MCC: variants seen among roughly 807,000 people sequenced by gnomAD.
MCC encodes colorectal mutant cancer protein.
A neutral mutation model predicts 116.2 loss-of-function variants in MCC; 90 were observed. The observed-to-expected ratio is 0.77, with a 90% CI of 0.65 to 0.92. The LOEUF is 0.92. Ranked by LOEUF, MCC falls within the 40% of genes least tolerant of loss-of-function variation. The pLI, the probability that MCC is intolerant of heterozygous loss-of-function variation, is 0.00. For missense variants in MCC, 1,516 were observed against 1,312.2 expected, an observed-to-expected ratio of 1.16 and a Z score of -2.40; for synonymous variants, 578 against 510.5, an observed-to-expected ratio of 1.13 and a Z score of -1.78.
At chr5:113,442,260 G>A (rs1039074275) in intron 1 of MCC, among the ~76,000 whole-genome samples, 2 of 152,186 alleles carry the variant, frequency 1.3e-5, no homozygotes, top group African/African-American at 4.8e-5. Context: ...CAGTGATGAT[G>A]AGCATTTTTT....
intron 3 of MCC, among the ~76,000 whole-genome samples, chr5:113,192,494 CAT>C (rs1024007075): frequency 2.6e-5 from 4 of 152,202 alleles, no homozygotes; most frequent in African/African-American, 7.2e-5. Flanking sequence ...TTATAATTAG[CAT>C]ATGTCTTCGT....
chr5:113,475,852 C>T (rs1772221970), intron 1 of MCC, among the ~76,000 whole-genome samples: 1 of 152,184 alleles, frequency 6.6e-6, no homozygotes, highest in African/African-American at 2.4e-5. Context: ...GTTAGCTAGG[C>T]CGCATGTATG....
chr5:113,202,270 G>C (rs1301436118), intron 3 of MCC, among the ~76,000 whole-genome samples: 1 of 152,002 alleles, frequency 6.6e-6, no homozygotes, highest in Non-Finnish European at 1.5e-5. Flanking sequence ...CAATCCCGGG[G>C]TTGTGCTGGA....
chr5:113,108,687 T>A (rs1034700392), intron 6 of MCC, among the ~76,000 whole-genome samples: 1 of 148,844 alleles, frequency 6.7e-6, no homozygotes, highest in Non-Finnish European at 1.5e-5. Context: ...TAACCATAGA[T>A]AACACAGTGC....
At chr5:113,108,604 G>T (rs904513307) in intron 6 of MCC, among the ~76,000 whole-genome samples, 5 of 145,608 alleles carry the variant, frequency 3.4e-5, no homozygotes, top group African/African-American at 5.1e-5. Flanking sequence ...AGGGAGCTGA[G>T]ATCGAGCCAT....
chr5:113,372,839 G>A (rs1318411241), intron 2 of MCC, among the ~76,000 whole-genome samples: 1 of 151,986 alleles, frequency 6.6e-6, no homozygotes, highest in African/African-American at 2.4e-5. Flanking sequence ...TTATAAGCAT[G>A]AGCCACTGAG....
At chr5:113,479,342 G>A (rs908332045) in intron 1 of MCC, among the ~76,000 whole-genome samples, 3 of 152,168 alleles carry the variant, frequency 2.0e-5, no homozygotes, top group Non-Finnish European at 4.4e-5. Context: ...GACTAGGAAG[G>A]GGCACAGGAA....
rs533582844 is a variant in MCC, at chr5:113,408,731, T to C, written c.171-23519A>G. On this transcript the variant is annotated intron_variant, in intron 1 of 18. Transcript: ENST00000408903. Reference sequence around the variant, plus strand: ...GTTGATAACCACAAATGTAGACAAATCATCAAGGTGGTTTTATCATGAATA... The same window carrying C: ...GTTGATAACCACAAATGTAGACAAACCATCAAGGTGGTTTTATCATGAATA... Among the ~76,000 whole-genome samples the C allele has an allele frequency of 2.0e-5, 3 of 152,116 alleles. No individual in the cohort carries two copies. The South Asian group carries it at 6.2e-4, about 32-fold the overall frequency.
chr5:113,053,238 C>G (rs965092920), intron 15 of MCC, among the ~76,000 whole-genome samples: 4 of 152,166 alleles, frequency 2.6e-5, no homozygotes, highest in Admixed American at 6.5e-5. Flanking sequence ...GCACTGTACA[C>G]CTTCACTGGA....
At chr5:113,219,745 T>C (rs1416263190) in intron 3 of MCC, among the ~76,000 whole-genome samples, 1 of 152,166 alleles carries the variant, frequency 6.6e-6, no homozygotes, top group Non-Finnish European at 1.5e-5. Context: ...CTAAATTTCA[T>C]GTCCCTCAAC....
intron 2 of MCC, among the ~76,000 whole-genome samples, chr5:113,362,584 CATA>C (rs1262504061): frequency 6.6e-6 from 1 of 152,034 alleles, no homozygotes; most frequent in Non-Finnish European, 1.5e-5. Context: ...TAATATCTCT[CATA>C]ATGATTGTGG....
intron 3 of MCC, among the ~76,000 whole-genome samples, chr5:113,154,965 CAGT>C (rs1467801055): frequency 6.6e-6 from 1 of 152,116 alleles, no homozygotes; most frequent in Non-Finnish European, 1.5e-5. Flanking sequence ...TACTGTGCTA[CAGT>C]AGGAGTTATT....
At chr5:113,186,888 AG>A (rs973396818) in intron 3 of MCC, among the ~76,000 whole-genome samples, 29 of 152,032 alleles carry the variant, frequency 1.9e-4, no homozygotes, top group African/African-American at 7.0e-4. Context: ...CAACCGGGGG[AG>A]GATAGGGGGA....
At chr5:113,460,464 ACACACAC>A (rs1293373854) in intron 1 of MCC, among the ~76,000 whole-genome samples, 1 of 152,112 alleles carries the variant, frequency 6.6e-6, no homozygotes, top group African/African-American at 2.4e-5. Context: ...TTTCCCCCAA[ACACACAC>A]CACACACATT....
At chr5:113,285,589 C>T (rs1393020870) in intron 3 of MCC, among the ~76,000 whole-genome samples, 1 of 152,082 alleles carries the variant, frequency 6.6e-6, no homozygotes, top group Non-Finnish European at 1.5e-5. Flanking sequence ...GCACCTTGGC[C>T]CTCACTCTTC....
In MCC at chr5:113,211,372, G is replaced by A. The variant is rs116654131; in HGVS notation, c.628-59950C>T. The stretch of plus-strand genomic sequence containing the variant: ...TTATAAGCCACCCAGCTTATGGCAT[G>A]TTGTTATAGTAGACCAAACAGACTA... On this transcript the variant is annotated intron_variant, in intron 3 of 18. Coordinates refer to ENST00000408903, the MANE Select transcript of MCC (RefSeq NM_001085377.2). Among the ~76,000 whole-genome samples, 751 of 152,320 alleles carry A rather than the reference G, an allele frequency of 4.9e-3. 3 individuals carry two copies. The highest frequency in any genetic ancestry group is 7.6e-3 in the Non-Finnish European group (519 of 68,022).
chr5:113,473,333 G>T (rs568003867), intron 1 of MCC, among the ~76,000 whole-genome samples: 2 of 152,156 alleles, frequency 1.3e-5, no homozygotes, highest in Admixed American at 6.5e-5. Context: ...AGACGAGCCT[G>T]GGAAACACAG....
intron 8 of MCC, among the ~76,000 whole-genome samples, chr5:113,099,254 A>T (rs1369844241): frequency 6.6e-6 from 1 of 152,258 alleles, no homozygotes; most frequent in Non-Finnish European, 1.5e-5. Flanking sequence ...AAAATTATAC[A>T]AAACTATACT....
intron 3 of MCC, among the ~76,000 whole-genome samples, chr5:113,251,080 C>T (rs1377042679): frequency 6.6e-6 from 1 of 152,190 alleles, no homozygotes; most frequent in Non-Finnish European, 1.5e-5. Flanking sequence ...TTCTATTTGG[C>T]CTCACTTTTC....
Sources: gnomAD v4.1 joint callset for allele counts (sites outside exome capture counted in the v4.1 genomes callset) on GRCh38, gnomAD v4.1.1 for gene constraint, MANE v1.5 for transcripts, NCBI Gene and HGNC (gene_info 2026-07-23, HGNC 2026-07-21) for gene names.